TNIK: variants seen among roughly 807,000 people sequenced by gnomAD.
The protein encoded by TNIK is TRAF2 and NCK interacting kinase.
Under a neutral mutation model 191.3 loss-of-function variants are expected in TNIK, and 49 were observed. The observed-to-expected ratio is 0.26, with a 90% CI of 0.20 to 0.32. The LOEUF (loss-of-function observed/expected upper bound fraction) is 0.32, where lower values mean the gene tolerates loss of function less well. Among genes scored for constraint, TNIK ranks in the 10% least tolerant of loss-of-function variants. TNIK has a pLI of 1.00. For synonymous variants in TNIK, 594 were observed against 600.9 expected (o/e 0.99, Z 0.17); for missense variants, 1,155 against 1,702.3 (o/e 0.68, Z 5.66).
At chr3:171,162,936 C>T (rs1225614008) in intron 10 of TNIK, among the ~76,000 whole-genome samples, 2 of 152,142 alleles carry the variant, frequency 1.3e-5, no homozygotes, top group Admixed American at 1.3e-4. Flanking sequence ...ACAGCTAGTG[C>T]CACTGGTCAT....
At chr3:171,306,998 C>T (rs1280104063) in intron 2 of TNIK, among the ~76,000 whole-genome samples, 3 of 152,092 alleles carry the variant, frequency 2.0e-5, no homozygotes, top group Non-Finnish European at 4.4e-5. Flanking sequence ...TTTAGGGAGG[C>T]TTGTCTACTG....
At chr3:171,149,548 C>T (rs1050389144) in intron 12 of TNIK, among the ~76,000 whole-genome samples, 5 of 152,198 alleles carry the variant, frequency 3.3e-5, no homozygotes, top group Non-Finnish European at 5.9e-5. Flanking sequence ...GTCAGAACTC[C>T]TTTGGCACAA....
chr3:171,374,160 T>TC (rs1464661743), intron 1 of TNIK, among the ~76,000 whole-genome samples: 1 of 152,148 alleles, frequency 6.6e-6, no homozygotes, highest in African/African-American at 2.4e-5. Context: ...GAGCCAAAGG[T>TC]CTAGCAAACT....
chr3:171,193,765 G>A (rs1416148295), intron 5 of TNIK, among the ~76,000 whole-genome samples: 1 of 152,136 alleles, frequency 6.6e-6, no homozygotes, highest in East Asian at 1.9e-4. Flanking sequence ...ACAATGGCCA[G>A]GAAGATTTAA....
intron 1 of TNIK, among the ~76,000 whole-genome samples, chr3:171,406,401 G>C (rs748931867): frequency 6.6e-6 from 1 of 152,074 alleles, no homozygotes; most frequent in East Asian, 1.9e-4. Context: ...TCCATATTGA[G>C]AGCAAACACC....
chr3:171,304,753 C>T (rs890923629), intron 2 of TNIK, among the ~76,000 whole-genome samples: 3 of 151,862 alleles, frequency 2.0e-5, no homozygotes, highest in African/African-American at 7.3e-5. Flanking sequence ...AGCAAACTAT[C>T]ACAAGGACAA....
At chr3:171,437,565 C>A (rs1726183477) in intron 1 of TNIK, among the ~76,000 whole-genome samples, 1 of 151,986 alleles carries the variant, frequency 6.6e-6, no homozygotes. Flanking sequence ...TTTATTCAAA[C>A]CCTGTAGCCT....
chr3:171,207,228 T>G lies in TNIK; in HGVS notation c.306+3888A>C, dbSNP rs1053049794. On this transcript the variant is annotated intron_variant, in intron 4 of 32. Transcript: ENST00000436636. ...GCTTCTGGATCATAAGGTAGTTCTA[T>G]TTCCAATTTTTTCAGAAACCTCTGT... is the stretch of plus-strand genomic sequence containing the variant. Among the ~76,000 whole-genome samples, 2 of 152,190 alleles carry G rather than the reference T, an allele frequency of 1.3e-5. 1 individual carries two copies. The highest frequency in any genetic ancestry group is 1.3e-4 in the Admixed American group (2 of 15,282).
At chr3:171,200,114 A>C (rs995750919) in intron 4 of TNIK, among the ~76,000 whole-genome samples, 2 of 152,218 alleles carry the variant, frequency 1.3e-5, no homozygotes, top group Non-Finnish European at 2.9e-5. Flanking sequence ...TTCCAGGGCA[A>C]TGGATCTTTT....
chr3:171,237,543 T>G (rs1005495017), intron 2 of TNIK, among the ~76,000 whole-genome samples: 1 of 151,354 alleles, frequency 6.6e-6, no homozygotes, highest in African/African-American at 2.4e-5. Flanking sequence ...CCCAGCCAAA[T>G]GTCTCCTCTG....
At chr3:171,392,238 A>G (rs1009631902) in intron 1 of TNIK, among the ~76,000 whole-genome samples, 1 of 152,234 alleles carries the variant, frequency 6.6e-6, no homozygotes, top group Admixed American at 6.5e-5. Flanking sequence ...TGACAATAAG[A>G]TAAAACAATA....
intron 2 of TNIK, among the ~76,000 whole-genome samples, chr3:171,233,304 T>C (rs1577197331): frequency 8.0e-6 from 1 of 125,290 alleles, no homozygotes; most frequent in Admixed American, 7.2e-5. Context: ...AGCACTGTGA[T>C]TTTTTTTTCA....
At chr3:171,341,387 G>T (rs191349088) in intron 2 of TNIK, among the ~76,000 whole-genome samples, 1 of 147,910 alleles carries the variant, frequency 6.8e-6, no homozygotes, top group African/African-American at 2.5e-5. Flanking sequence ...CAGGAGAATC[G>T]CTTGAACCCA....
At chr3:171,322,278 ATCTT>A (rs1755243577) in intron 2 of TNIK, among the ~76,000 whole-genome samples, 1 of 152,168 alleles carries the variant, frequency 6.6e-6, no homozygotes, top group Non-Finnish European at 1.5e-5. Flanking sequence ...TTCAATAAAT[ATCTT>A]TTTTTTAGTT....
At chr3:171,261,524 TTGGATGGATGGATGATGGA>T (rs11268683) in intron 2 of TNIK, among the ~76,000 whole-genome samples, 2 of 151,848 alleles carry the variant, frequency 1.3e-5, no homozygotes, top group African/African-American at 4.8e-5. Context: ...TGTTTGTTGG[TTGGATGGATGGATGATGGA>T]TGGATGGATA....
intron 2 of TNIK, among the ~76,000 whole-genome samples, chr3:171,328,130 G>C (rs1756015712): frequency 1.3e-5 from 2 of 152,094 alleles, no homozygotes; most frequent in Admixed American, 6.6e-5. Flanking sequence ...GAGATGATTA[G>C]GTCACAAAGG....
chr3:171,371,500 A>C (rs1716483857), intron 1 of TNIK, among the ~76,000 whole-genome samples: 1 of 152,026 alleles, frequency 6.6e-6, no homozygotes, highest in East Asian at 1.9e-4. Flanking sequence ...AAGAAACCAC[A>C]CTCCATGCTC....
intron 2 of TNIK, among the ~76,000 whole-genome samples, chr3:171,262,759 G>C (rs1747808908): frequency 6.6e-6 from 1 of 152,176 alleles, no homozygotes; most frequent in African/African-American, 2.4e-5. Context: ...CCTCAATTTT[G>C]TTCTAATATC....
intron 1 of TNIK, among the ~76,000 whole-genome samples, chr3:171,430,755 T>G (rs1180044618): frequency 6.6e-6 from 1 of 152,112 alleles, no homozygotes; most frequent in African/African-American, 2.4e-5. Context: ...TTTTATTTAG[T>G]AATAAATCAT....
Sources: gnomAD v4.1 joint callset for allele counts (sites outside exome capture counted in the v4.1 genomes callset) on GRCh38, gnomAD v4.1.1 for gene constraint, MANE v1.5 for transcripts, NCBI Gene and HGNC (gene_info 2026-07-23, HGNC 2026-07-21) for gene names.